The following CNKSR1 variants were observed in gnomAD, a reference collection of about 807,000 sequenced individuals.
CNKSR1 encodes the protein connector enhancer of kinase suppressor of Ras 1, also known as CNK homolog protein 1.
Under a neutral mutation model 95.6 loss-of-function variants are expected in CNKSR1, and 88 were observed. That is an observed-to-expected ratio of 0.92 (90% confidence interval 0.78 to 1.10). The LOEUF is 1.10. CNKSR1 is among the 50% of genes least tolerant of loss of function. CNKSR1 has a pLI of 0.00. For synonymous variants in CNKSR1, 355 were observed against 369.7 expected (o/e 0.96, Z 0.46); for missense variants, 836 against 912.0 (o/e 0.92, Z 1.07).
chr1:26,187,950 G>C (rs116397403), intron 16 of CNKSR1, among the ~76,000 whole-genome samples: 2,542 of 151,614 alleles, frequency 0.017, 49 homozygotes, highest in Non-Finnish European at 0.024. Context: ...AAAAAGTTTT[G>C]TGGGGAGATG....
chr1:26,186,721 G>A (rs1462631913), intron 14 of CNKSR1, among the ~76,000 whole-genome samples: 3 of 151,976 alleles, frequency 2.0e-5, no homozygotes, highest in Admixed American at 6.6e-5. Context: ...TGATCTGCCC[G>A]CCTCAGCCTC....
chr1:26,185,020 C>A lies in CNKSR1; in HGVS notation c.1142C>A (p.Ala381Glu). The stretch of plus-strand genomic sequence containing the variant: ...TTGTGCTGTGCTGCTACAGGCCTGG[C>A]GACCCGGCTGAGCCGCCGGCGGGTG... Reference protein sequence around the residue: ...PVGRKKSKGLATRLSRRRVSC... With the variant: ...PVGRKKSKGLETRLSRRRVSC... The change falls in exon 14 of 21, where the codon GCG becomes GAG. Residue 381 changes from alanine to glutamate, a missense_variant. Ala to Glu is a moderately radical substitution (Grantham distance 107, BLOSUM62 -1). Transcript: ENST00000361530. 1.3e-6 allele frequency: 2 copies of A among 1,595,698 alleles called. No individual in the cohort carries two copies. Among genetic ancestry groups the A allele is most frequent in the South Asian group, 1.1e-5 (1 of 89,612 alleles).
rs759553551 is a variant in CNKSR1, at chr1:26,188,546, C to T, written c.1590+43C>T. ...GGGGGTAGGAGGTGGGGATAAACAA[C>T]AGGGCGTGGAGCTCAGACAGAAACC... On this transcript the variant is annotated intron_variant, in intron 18 of 20. Coordinates refer to ENST00000361530, the MANE Select transcript of CNKSR1 (RefSeq NM_006314.3). 1.2e-5 allele frequency: 19 copies of T among 1,609,746 alleles called. No individual in the cohort carries two copies. The South Asian group carries it at 2.0e-4, about 17-fold the overall frequency.
chr1:26,184,227 G>A lies in CNKSR1; in HGVS notation c.940G>A (p.Asp314Asn). The A allele has an allele frequency of 1.2e-6, 2 of 1,613,424 alleles. No homozygotes were observed. The highest frequency in any genetic ancestry group is 1.7e-6 in the Non-Finnish European group (2 of 1,179,872). ...APLSPRAPSEDVFAFDLSSNP... is the reference protein window; with the variant it reads ...APLSPRAPSENVFAFDLSSNP... ...TGCCCTCCCCAGGGCCCCATCTGAA[G>A]ACGTCTTTGCCTTTGACCTGTCTTC... The change falls in exon 11 of 21, where the codon GAC becomes AAC. Residue 314 changes from aspartate to asparagine, a missense_variant. Transcript: ENST00000361530.
At chr1:26,184,361 G>A (rs779564702) in intron 11 of CNKSR1, 40 bp from the exon 12 acceptor site, 4 of 1,606,732 alleles carry the variant, frequency 2.5e-6, no homozygotes, top group South Asian at 1.1e-5. Flanking sequence ...CCTGGGACTG[G>A]GCTCATAGAC....
chr1:26,177,571 C>T lies in CNKSR1; in HGVS notation c.24C>T (p.Thr8=). The T allele has an allele frequency of 6.2e-7, 1 of 1,614,100 alleles. No homozygotes were observed. Among genetic ancestry groups the T allele is most frequent in the East Asian group, 2.2e-5 (1 of 44,882 alleles). Residue 8 remains threonine (T), a synonymous_variant, in exon 1 of 21, where the codon ACC becomes ACT. Coordinates refer to ENST00000361530, the MANE Select transcript of CNKSR1 (RefSeq NM_006314.3). ...CCATGGAACCGGTAGAGACCTGGAC[C>T]CCCGGAAAGGTGGCAACTTGGCTGA... MEPVETW[T]PGKVATWLRG...
rs1368838780 is a variant in CNKSR1 at position 26,189,818 on chromosome 1, T to A, written c.*270T>A. On this transcript the variant is annotated 3_prime_UTR_variant, in exon 21 of 21. Transcript: ENST00000361530. ...TGGCAGTTCTCCCCCAAACCAGGTCTGTACAGGTGTTCTTTATTTTACATG... is the reference window on the plus strand; with the variant it reads ...TGGCAGTTCTCCCCCAAACCAGGTCAGTACAGGTGTTCTTTATTTTACATG... 2 of 665,904 alleles carry A rather than the reference T, an allele frequency of 3.0e-6. No individual in the cohort carries two copies. Among genetic ancestry groups the A allele is most frequent in the Non-Finnish European group, 5.5e-6 (2 of 364,530 alleles). 41.2% of individuals were successfully genotyped at this position (665,904 alleles called of 1,614,324 possible). A position where few individuals can be genotyped will look rare whatever the true frequency, so the allele number is the denominator to read the frequency against.
chr1:26,187,547 T>C, intron 16 of CNKSR1, 65 bp downstream of exon 16: 2 of 1,508,702 alleles, frequency 1.3e-6, no homozygotes, highest in Non-Finnish European at 1.8e-6. Flanking sequence ...CTTGGGAGCC[T>C]AGGCTCAGGA....
At position 26,184,567 on chromosome 1, in the gene CNKSR1, CT is replaced by C. The variant is rs1557622872; in HGVS notation, c.1108-16del. 6.2e-7 allele frequency: 1 copy of C among 1,608,024 alleles called. No homozygotes were observed. The highest frequency in any genetic ancestry group is 1.1e-5 in the South Asian group (1 of 89,760). On this transcript the variant is annotated splice_polypyrimidine_tract_variant and intron_variant, in intron 12 of 20. Transcript: ENST00000361530. ...TCTGGACCTAGATCCTTCTCTCACC[CT>C]TCTGCTGTCCTTTCAGAGTCCTGTT... is the stretch of plus-strand genomic sequence containing the variant.
At chr1:26,181,988 C>A (rs1557620535) in intron 4 of CNKSR1, 47 bp downstream of exon 4, 2 of 1,539,758 alleles carry the variant, frequency 1.3e-6, no homozygotes, top group Non-Finnish European at 1.8e-6. Flanking sequence ...AGAGACCAAG[C>A]TGGGCTAGAG....
In CNKSR1 at chr1:26,189,644, C is replaced by A; in HGVS notation, c.*96C>A. 1.2e-6 allele frequency: 1 copy of A among 803,596 alleles called. No individual in the cohort carries two copies. The highest frequency in any genetic ancestry group is 1.3e-5 in the South Asian group (1 of 74,960). 49.8% of individuals were successfully genotyped at this position (803,596 alleles called of 1,614,324 possible). A position where few individuals can be genotyped will look rare whatever the true frequency, so the allele number is the denominator to read the frequency against. ...GGACAGAGCATCCCTGGATTCTGTT[C>A]AGGGTGGGAAGTAGTACTGCTAGTC... On this transcript the variant is annotated 3_prime_UTR_variant, in exon 21 of 21. Transcript: ENST00000361530.
Position 26,181,850 on chromosome 1 carries a change from C to G in CNKSR1, c.393-7C>G. The G allele has an allele frequency of 6.2e-7, 1 of 1,613,968 alleles. No individual in the cohort carries two copies. The highest frequency in any genetic ancestry group is 8.5e-7 in the Non-Finnish European group (1 of 1,179,894). ...CCTTAACCACTGTGCTATTCTTCCC[C>G]TGCCAGGTACCTCTTCTCCCACTTA... On this transcript the variant is annotated splice_region_variant and splice_polypyrimidine_tract_variant and intron_variant, in intron 3 of 20. Transcript: ENST00000361530.
chr1:26,183,114 A>G, intron 6 of CNKSR1, 83 bp from the exon 7 acceptor site: 1 of 1,341,702 alleles, frequency 7.5e-7, no homozygotes, highest in Non-Finnish European at 1.1e-6. Context: ...CACCCACCAT[A>G]GAGTCCTGGT....
In CNKSR1 at chr1:26,187,528, C is replaced by T. The variant is rs773910705; in HGVS notation, c.1454+46C>T. 10 of 1,593,516 alleles carry T rather than the reference C, an allele frequency of 6.3e-6. No homozygotes were observed. In the African/African-American group the frequency reaches 1.3e-4, roughly 21 times the overall value. On this transcript the variant is annotated intron_variant, in intron 16 of 20. Coordinates refer to ENST00000361530, the MANE Select transcript of CNKSR1 (RefSeq NM_006314.3). ...CCCCTACTCTCATATGATTCCCAAA[C>T]TCTGTGAGCTTGGGAGCCTAGGCTC...
At chr1:26,187,146 C>T in intron 14 of CNKSR1, 22 bp from the exon 15 acceptor site, 1 of 1,605,350 alleles carries the variant, frequency 6.2e-7, no homozygotes, top group Non-Finnish European at 8.5e-7. Flanking sequence ...CCAACCTGAC[C>T]CTCATGCTGT....
At chr1:26,180,928 A>G (rs1047977670) in intron 3 of CNKSR1, 32 bp downstream of exon 3, 8 of 1,612,938 alleles carry the variant, frequency 5.0e-6, no homozygotes, top group Admixed American at 3.3e-5. Flanking sequence ...GTGAGGGACT[A>G]TTGTCATCCT....
At chr1:26,184,981 C>G (rs766803322) in intron 13 of CNKSR1, 33 bp from the exon 14 acceptor site, 2 of 1,564,486 alleles carry the variant, frequency 1.3e-6, no homozygotes, top group African/African-American at 2.7e-5. Flanking sequence ...CTTGCCAGCC[C>G]CTCACTGCCC....
In CNKSR1 at chr1:26,179,408, A is replaced by T. The variant is rs111403374; in HGVS notation, c.53-1045A>T. ...TAGAAGAGCAACGCCAGCAGGAGGA[A>T]TAGCACTTGCAAGGACGCTGAGGTA... On this transcript the variant is annotated intron_variant, in intron 1 of 20. Coordinates refer to ENST00000361530, the MANE Select transcript of CNKSR1 (RefSeq NM_006314.3). 5.8e-3 allele frequency among the ~76,000 whole-genome samples: 888 copies of T among 152,318 alleles called. 16 individuals are homozygous for T. Among genetic ancestry groups the T allele is most frequent in the African/African-American group, 0.021 (855 of 41,566 alleles).
At chr1:26,187,666 A>G (rs1414154795) in intron 16 of CNKSR1, among the ~76,000 whole-genome samples, 184 bp downstream of exon 16, 2 of 134,262 alleles carry the variant, frequency 1.5e-5, no homozygotes, top group Non-Finnish European at 3.1e-5. Flanking sequence ...TATGTCACCC[A>G]GGCTGGAGTG....
Sources: allele counts gnomAD v4.1 joint callset (sites outside exome capture counted in the v4.1 genomes callset), GRCh38; gene constraint gnomAD v4.1.1; transcripts MANE v1.5; gene names NCBI Gene and HGNC (gene_info 2026-07-23, HGNC 2026-07-21).